Variants in AEBP2 observed in about 807,000 individuals in gnomAD.
AEBP2 encodes AE binding protein 2.
In AEBP2, 10 loss-of-function variants were observed where a neutral mutation model predicts 50.8. The observed-to-expected ratio is 0.20, with a 90% CI of 0.12 to 0.33. The LOEUF is 0.33. Among genes scored for constraint, AEBP2 ranks in the 10% least tolerant of loss-of-function variants. The probability of loss-of-function intolerance (pLI) is 1.00; values close to 1 mark genes in which losing one functional copy is unlikely to be tolerated. For synonymous variants in AEBP2, 296 were observed against 261.3 expected, an observed-to-expected ratio of 1.13 and a Z score of -1.28; for missense variants, 570 against 688.0, an observed-to-expected ratio of 0.83 and a Z score of 1.92.
chr12:19,505,238 A>AT (rs1007722443), intron 5 of AEBP2, among the ~76,000 whole-genome samples: 26 of 152,160 alleles, frequency 1.7e-4, no homozygotes, highest in African/African-American at 4.3e-4. Flanking sequence ...TGTAATACAG[A>AT]TTTTTTTTGT....
chr12:19,461,243 C>T (rs1187361578), intron 1 of AEBP2, among the ~76,000 whole-genome samples: 4 of 152,100 alleles, frequency 2.6e-5, no homozygotes, highest in Non-Finnish European at 4.4e-5. Flanking sequence ...AACATTCTTT[C>T]TCTTGACCCT....
At chr12:19,414,916 C>G (rs71463038) in intron 1 of AEBP2, among the ~76,000 whole-genome samples, 1 of 144,368 alleles carries the variant, frequency 6.9e-6, no homozygotes, top group Non-Finnish European at 1.5e-5. Flanking sequence ...GAATAAGATT[C>G]TATCTCCAAA....
chr12:19,479,340 T>C (rs962245652), intron 3 of AEBP2, among the ~76,000 whole-genome samples: 1 of 152,160 alleles, frequency 6.6e-6, no homozygotes, highest in East Asian at 1.9e-4. Context: ...CAGTGGAGTA[T>C]TGAAGTCCCC....
chr12:19,481,092 C>CTTTTTTTTTTTTTTTTTTTTTT lies in AEBP2; in HGVS notation c.987+7742_987+7763dup, dbSNP rs71067027. On this transcript the variant is annotated intron_variant, in intron 3 of 7. Coordinates refer to ENST00000266508, the MANE Select transcript of AEBP2 (RefSeq NM_153207.5). The stretch of plus-strand genomic sequence containing the variant: ...TGTTATTGAAACTTTGCAGTGCATC[C>CTTTTTTTTTTTTTTTTTTTTTT]TTTTTTTTTTTTTTTTTTTTTTTTT... Among the ~76,000 whole-genome samples the CTTTTTTTTTTTTTTTTTTTTTT allele has an allele frequency of 5.4e-5, 4 of 74,050 alleles. 2 individuals carry two copies. The highest frequency in any genetic ancestry group is 2.3e-4 in the African/African-American group (4 of 17,554). 48.6% of individuals were successfully genotyped at this position (74,050 alleles called of 152,430 possible).
upstream of AEBP2, among the ~76,000 whole-genome samples, chr12:19,434,960 A>ATG (rs1240362972): frequency 6.6e-6 from 1 of 152,070 alleles, no homozygotes; most frequent in Non-Finnish European, 1.5e-5. Context: ...TGCCATTTCC[A>ATG]TGTGTCTAAT....
chr12:19,450,012 C>T (rs1307281944), intron 1 of AEBP2, among the ~76,000 whole-genome samples: 2 of 152,138 alleles, frequency 1.3e-5, no homozygotes, highest in Non-Finnish European at 2.9e-5. Flanking sequence ...ATTTATAACA[C>T]ACAGATGTAA....
At chr12:19,449,505 G>T (rs74064482) in intron 1 of AEBP2, among the ~76,000 whole-genome samples, 1,572 of 152,264 alleles carry the variant, frequency 0.01, 26 homozygotes, top group African/African-American at 0.036. Context: ...GGTGATAAAA[G>T]AATGTAGCCT....
intron 4 of AEBP2, among the ~76,000 whole-genome samples, chr12:19,495,956 C>G (rs563034921): frequency 6.6e-6 from 1 of 152,258 alleles, no homozygotes; most frequent in South Asian, 2.1e-4. Flanking sequence ...GCATTGCGAT[C>G]ATTTTACTTG....
chr12:19,473,384 T>TGA, intron 3 of AEBP2, 29 bp downstream of exon 3: 1 of 214,098 alleles, frequency 4.7e-6, no homozygotes, highest in East Asian at 1.0e-4. Context: ...AAAATTTATT[T>TGA]ATTTATTTAT....
intron 1 of AEBP2, chr12:19,456,678 T>A: frequency 6.4e-7 from 1 of 1,569,614 alleles, no homozygotes; most frequent in African/African-American, 1.4e-5. Context: ...ATGACGAACA[T>A]CCTTGACAGA....
chr12:19,513,260 A>G (rs942679042), intron 6 of AEBP2, among the ~76,000 whole-genome samples: 5 of 152,154 alleles, frequency 3.3e-5, no homozygotes, highest in African/African-American at 1.2e-4. Context: ...ATTTTCTAGC[A>G]GTGATTACAT....
intron 3 of AEBP2, among the ~76,000 whole-genome samples, chr12:19,484,336 G>C (rs374680496): frequency 3.0e-4 from 43 of 142,810 alleles, no homozygotes; most frequent in African/African-American, 1.1e-3. Context: ...GACTTCTGGT[G>C]ATCCGCCTCC....
intron 1 of AEBP2, among the ~76,000 whole-genome samples, chr12:19,450,842 C>T (rs142236200): frequency 7.3e-6 from 1 of 137,084 alleles, no homozygotes; most frequent in East Asian, 2.1e-4. Context: ...GACATTGTCT[C>T]AAAAAAAAAA....
At position 19,500,137 on chromosome 12, in the gene AEBP2, G is replaced by A. The variant is rs200116890; in HGVS notation, c.1215G>A (p.Ala405=). Residue 405 remains alanine, a synonymous_variant, in exon 5 of 8, where the codon GCG becomes GCA. Coordinates refer to ENST00000266508, the MANE Select transcript of AEBP2 (RefSeq NM_153207.5). Reference sequence around the variant, plus strand: ...TCTTCGATGCACAAACACTGGATGCGATAAGACATCGAGCCATATGCTTTA... The same window carrying A: ...TCTTCGATGCACAAACACTGGATGCAATAAGACATCGAGCCATATGCTTTA... ...HDFFDAQTLD[A]IRHRAICFNL... is the part of the protein sequence containing the mutation. 338 of 1,606,470 alleles carry A rather than the reference G, an allele frequency of 2.1e-4. 1 individual carries two copies. The highest frequency in any genetic ancestry group is 3.4e-4 in the East Asian group (15 of 44,580).
chr12:19,468,891 G>A (rs1948528957), intron 2 of AEBP2, among the ~76,000 whole-genome samples: 1 of 152,204 alleles, frequency 6.6e-6, no homozygotes. Context: ...CATCTTACAT[G>A]TAAGGAACTT....
chr12:19,422,757 A>G (rs1371776194), intron 1 of AEBP2, among the ~76,000 whole-genome samples: 1 of 152,130 alleles, frequency 6.6e-6, no homozygotes, highest in African/African-American at 2.4e-5. Flanking sequence ...CTCTTGTGTG[A>G]AAGAGCTGTA....
chr12:19,433,479 T>A (rs1479322034), intron 1 of AEBP2, among the ~76,000 whole-genome samples: 1 of 151,966 alleles, frequency 6.6e-6, no homozygotes, highest in Non-Finnish European at 1.5e-5. Context: ...ACTGATGACA[T>A]AGAAAGTATA....
chr12:19,508,221 C>T (rs936244793), intron 5 of AEBP2, among the ~76,000 whole-genome samples: 9 of 152,140 alleles, frequency 5.9e-5, no homozygotes, highest in African/African-American at 2.2e-4. Flanking sequence ...TTTAAAAAAA[C>T]CATATTTTAA....
At chr12:19,477,097 T>C (rs1296112126) in intron 3 of AEBP2, among the ~76,000 whole-genome samples, 4 of 152,202 alleles carry the variant, frequency 2.6e-5, no homozygotes, top group Non-Finnish European at 5.9e-5. Flanking sequence ...TTAAGTTCTT[T>C]AGTTGTTTCT....
Sources: gnomAD v4.1 joint callset for allele counts (sites outside exome capture counted in the v4.1 genomes callset) on GRCh38, gnomAD v4.1.1 for gene constraint, MANE v1.5 for transcripts, NCBI Gene and HGNC (gene_info 2026-07-23, HGNC 2026-07-21) for gene names.